The following UCP2 variants were observed in gnomAD, a reference collection of about 807,000 sequenced individuals.
The protein encoded by UCP2 is uncoupling protein 2, also known as dicarboxylate carrier SLC25A8.
Under a neutral mutation model 31.3 loss-of-function variants are expected in UCP2, and 27 were observed. The ratio of observed to expected loss-of-function variants is 0.86; its 90% CI spans 0.64 to 1.19. UCP2 has a LOEUF of 1.19. Ranked by LOEUF, UCP2 falls within the 50% of genes most tolerant of loss-of-function variation. The pLI is 0.00. For synonymous variants in UCP2, 142 were observed against 157.4 expected, an observed-to-expected ratio of 0.90 and a Z score of 0.73; for missense variants, 377 against 413.5, an observed-to-expected ratio of 0.91 and a Z score of 0.76.
In UCP2 at chr11:73,980,454, G is replaced by A. The variant is rs528085576; in HGVS notation, c.-100+1022C>T. On this transcript the variant is annotated intron_variant, in intron 2 of 7. Coordinates refer to ENST00000663595, the MANE Select transcript of UCP2 (RefSeq NM_003355.3). ...TCCTGTTTCCCTCCAGCTTGCCCAC[G>A]AGGCTCAGTGAAGACTGGTGCTCAA... Among the ~76,000 whole-genome samples the A allele has an allele frequency of 3.2e-4, 48 of 152,274 alleles. 1 individual carries two copies. In the South Asian group the frequency reaches 8.7e-3, roughly 28 times the overall value.
chr11:73,976,591 C>T, intron 6 of UCP2, 50 bp downstream of exon 6: 2 of 1,477,706 alleles, frequency 1.4e-6, no homozygotes, highest in Non-Finnish European at 1.9e-6. Context: ...CGCACCTGCT[C>T]CTGGCATGGG....
chr11:73,974,755 AG>A lies in UCP2; in HGVS notation c.*251del, dbSNP rs1201753069. 2 of 372,474 alleles carry A rather than the reference AG, an allele frequency of 5.4e-6. No homozygotes were observed. Among genetic ancestry groups the A allele is most frequent in the African/African-American group, 4.5e-5 (2 of 44,606 alleles). 23.1% of individuals were successfully genotyped at this position (372,474 alleles called of 1,614,324 possible). On this transcript the variant is annotated 3_prime_UTR_variant, in exon 8 of 8. Coordinates refer to ENST00000663595, the MANE Select transcript of UCP2 (RefSeq NM_003355.3). ...ACGAAGATTCTGGCTGAACTTTCCA[AG>A]GGACGGGACGCTTGGGATCCTGGCT...
At chr11:73,978,225 T>G in intron 3 of UCP2, 28 bp downstream of exon 3, 1 of 1,614,104 alleles carries the variant, frequency 6.2e-7, no homozygotes, top group East Asian at 2.2e-5. Flanking sequence ...GTAGACACCA[T>G]CAAGACTCCC....
chr11:73,974,951 A>C lies in UCP2; in HGVS notation c.*56T>G. The C allele has an allele frequency of 7.0e-7, 1 of 1,435,492 alleles. No individual in the cohort carries two copies. Among genetic ancestry groups the C allele is most frequent in the Non-Finnish European group, 9.7e-7 (1 of 1,031,346 alleles). 88.9% of individuals were successfully genotyped at this position (1,435,492 alleles called of 1,614,324 possible). ...GAAGAGAAAGAAGGAAGAAAAGGAA[A>C]GCATGGCCCGGCTAGAGACAAAGCC... On this transcript the variant is annotated 3_prime_UTR_variant, in exon 8 of 8. Coordinates refer to ENST00000663595, the MANE Select transcript of UCP2 (RefSeq NM_003355.3).
intron 6 of UCP2, 126 bp from the exon 7 acceptor site, chr11:73,975,797 C>G (rs1174527964): frequency 1.6e-5 from 20 of 1,216,208 alleles, no homozygotes; most frequent in Non-Finnish European, 2.1e-5. Flanking sequence ...CACAATGTCT[C>G]ATGCCTGTAA....
intron 2 of UCP2, among the ~76,000 whole-genome samples, chr11:73,980,351 TGGCTGGG>T (rs1951431357): frequency 6.6e-6 from 1 of 152,138 alleles, no homozygotes; most frequent in Admixed American, 6.5e-5. Context: ...TCACTCCAGG[TGGCTGGG>T]GCAAGCAGGG....
At chr11:73,978,523 C>T in intron 2 of UCP2, 46 bp from the exon 3 acceptor site, 1 of 1,209,158 alleles carries the variant, frequency 8.3e-7, no homozygotes, top group Non-Finnish European at 1.2e-6. Context: ...TGTCCCCAGG[C>T]CCTCCCTGCT....
In UCP2 at chr11:73,975,586, C is replaced by T. The variant is rs772624340; in HGVS notation, c.720G>A (p.Thr240=). The T allele has an allele frequency of 8.1e-6, 13 of 1,614,072 alleles. No individual in the cohort carries two copies. The South Asian group carries it at 1.1e-4, about 14-fold the overall frequency. Reference sequence around the variant, plus strand: ...GGCCCAGGGCAGAGTTCATGTATCTCGTCTTGACCACGTCTACAGGGGAGG... The same window carrying T: ...GGCCCAGGGCAGAGTTCATGTATCTTGTCTTGACCACGTCTACAGGGGAGG... ...VIASPVDVVK[T]RYMNSALGQY... The change falls in exon 7 of 8, where the codon ACG becomes ACA. Residue 240 remains threonine, a synonymous_variant. Coordinates refer to ENST00000663595, the MANE Select transcript of UCP2 (RefSeq NM_003355.3).
chr11:73,975,508 G>A lies in UCP2; in HGVS notation c.798C>T (p.Pro266=). Residue 266 remains proline, a synonymous_variant, in exon 7 of 8, where the codon CCC becomes CCT. Transcript: ENST00000663595. ...CALTMLQKEG[P]RAFYKGFMPS... is the part of the protein sequence containing the mutation. ...AGGCTCACCCTTTGTAGAAGGCTCG[G>A]GGCCCCTCCTTCTGGAGCATGGTAA... The A allele has an allele frequency of 1.2e-6, 2 of 1,611,352 alleles. No homozygotes were observed. Among genetic ancestry groups the A allele is most frequent in the Non-Finnish European group, 8.5e-7 (1 of 1,178,402 alleles).
intron 2 of UCP2, among the ~76,000 whole-genome samples, chr11:73,980,488 T>C (rs530608336): frequency 7.9e-5 from 12 of 152,236 alleles, no homozygotes; most frequent in South Asian, 2.1e-4. Flanking sequence ...AAATGACAGA[T>C]TGGGTTGATG....
upstream of UCP2, chr11:73,983,149 AAAC>A (rs901498178): frequency 3.3e-5 from 5 of 152,448 alleles, no homozygotes; most frequent in African/African-American, 1.2e-4. Context: ...TGACCGCCAG[AAAC>A]AAGTCTTGTC....
intron 7 of UCP2, 113 bp from the exon 8 acceptor site, chr11:73,975,234 CAATG>C (rs1951323278): frequency 3.8e-6 from 4 of 1,060,316 alleles, no homozygotes; most frequent in Non-Finnish European, 5.7e-6. Flanking sequence ...TGGGAGGACT[CAATG>C]AACTGAGCTC....
chr11:73,982,537 T>G (rs1951476758), intron 1 of UCP2, among the ~76,000 whole-genome samples, 184 bp downstream of exon 1: 1 of 152,202 alleles, frequency 6.6e-6, no homozygotes, highest in South Asian at 2.1e-4. Flanking sequence ...ATCGCGCCAC[T>G]GCACTCCAGC....
Position 73,978,258 on chromosome 11 carries a change from AC to A in UCP2, c.120del (p.Leu41TyrfsTer22). ...CCCAGGCTTCATCCCCTCACCTGTA[AC>A]CGGACTTTAGCAGTATCCAGAGGAA... is the stretch of plus-strand genomic sequence containing the variant. ...ITFPLDTAKV[R>X]LQIQGESQGP... On this transcript the variant is annotated frameshift_variant, in exon 3 of 8. Coordinates refer to ENST00000663595, the MANE Select transcript of UCP2 (RefSeq NM_003355.3). LOFTEE classifies it high-confidence loss of function. 1.2e-6 allele frequency: 2 copies of A among 1,614,162 alleles called. No homozygotes were observed. Among genetic ancestry groups the A allele is most frequent in the Non-Finnish European group, 1.7e-6 (2 of 1,180,028 alleles).
chr11:73,977,822 A>C (rs1951378988), intron 4 of UCP2, 64 bp downstream of exon 4: 2 of 1,605,730 alleles, frequency 1.2e-6, no homozygotes, highest in Admixed American at 1.7e-5. Flanking sequence ...TGGCTGAATG[A>C]ACTAAGATCA....
At position 73,981,571 on chromosome 11, in the gene UCP2, C is replaced by T. The variant is rs1473285581; in HGVS notation, c.-195G>A. The T allele has an allele frequency of 6.6e-6, 1 of 152,226 alleles. No individual in the cohort carries two copies. Among genetic ancestry groups the T allele is most frequent in the Non-Finnish European group, 1.5e-5 (1 of 68,058 alleles). The allele number at this position is 152,226 out of a possible 1,614,324, so 9.4% of individuals were successfully genotyped here. On this transcript the variant is annotated 5_prime_UTR_variant, in exon 2 of 8. Coordinates refer to ENST00000663595, the MANE Select transcript of UCP2 (RefSeq NM_003355.3). The stretch of plus-strand genomic sequence containing the variant: ...CTGCCAGTGGCTATCATGGCCCGAT[C>T]CCCTTGGTTTTCCATAGAAAATGGG...
intron 6 of UCP2, 39 bp downstream of exon 6, chr11:73,976,602 G>T: frequency 6.5e-7 from 1 of 1,541,364 alleles, no homozygotes; most frequent in Non-Finnish European, 9.0e-7. Flanking sequence ...CTGGCATGGG[G>T]GAAGGGTGAG....
chr11:73,977,791 C>A (rs913336864), intron 4 of UCP2, 95 bp downstream of exon 4: 1 of 1,522,468 alleles, frequency 6.6e-7, no homozygotes, highest in South Asian at 1.1e-5. Context: ...TCCTAGGGAT[C>A]GTGGGGCCTA....
In UCP2 at chr11:73,976,839, G is replaced by A; in HGVS notation, c.516C>T (p.Phe172=). ...AYKTIAREEG[F]RGLWKGTSPN... ...GGTACACACCTTTCCAGAGGCCCCG[G>A]AACCCTTCCTCTCGGGCAATGGTCT... The change falls in exon 5 of 8, where the codon TTC becomes TTT. Residue 172 remains phenylalanine, a synonymous_variant. Coordinates refer to ENST00000663595, the MANE Select transcript of UCP2 (RefSeq NM_003355.3). 1 of 1,614,228 alleles carries A rather than the reference G, an allele frequency of 6.2e-7. No individual in the cohort carries two copies. Among genetic ancestry groups the A allele is most frequent in the Non-Finnish European group, 8.5e-7 (1 of 1,180,044 alleles).
Sources: gnomAD v4.1 joint callset for allele counts (sites outside exome capture counted in the v4.1 genomes callset) on GRCh38, gnomAD v4.1.1 for gene constraint, MANE v1.5 for transcripts, NCBI Gene and HGNC (gene_info 2026-07-23, HGNC 2026-07-21) for gene names.